GPR89B: variants seen among roughly 807,000 people sequenced by gnomAD.
GPR89B encodes golgi pH regulator B, also known as G protein-coupled receptor 89B.
A neutral mutation model predicts 52.4 loss-of-function variants in GPR89B; 25 were observed. The observed-to-expected ratio is 0.48, with a 90% CI of 0.35 to 0.67. The LOEUF (loss-of-function observed/expected upper bound fraction) is 0.67, where lower values mean the gene tolerates loss of function less well. GPR89B is among the 30% of genes least tolerant of loss of function. The pLI, the probability that GPR89B is intolerant of heterozygous loss-of-function variation, is 0.01. For missense variants in GPR89B, 146 were observed against 450.2 expected (o/e 0.32, Z 6.11); for synonymous variants, 52 against 151.2 (o/e 0.34, Z 4.81).
downstream of GPR89B, among the ~76,000 whole-genome samples, chr1:147,998,185 C>T (rs1318992681): frequency 1.4e-5 from 2 of 145,564 alleles, no homozygotes; most frequent in African/African-American, 5.1e-5. Flanking sequence ...CACACGTGTC[C>T]GGAACATTTG....
At chr1:148,014,646 T>G in the GPR89B span, 1 of 151,982 alleles carries the variant, frequency 6.6e-6, no homozygotes, top group Non-Finnish European at 1.5e-5. Context: ...CCTTCTCCTC[T>G]GCTCTCCCCT....
At chr1:148,000,740 G>C in the GPR89B span, among the ~76,000 whole-genome samples, 1 of 137,176 alleles carries the variant, frequency 7.3e-6, no homozygotes, top group Non-Finnish European at 1.5e-5. Flanking sequence ...CCAGGTATCT[G>C]TTAAACTAGA....
intron 5 of GPR89B, among the ~76,000 whole-genome samples, chr1:147,950,991 TA>T (rs1220086337): frequency 1.3e-5 from 2 of 151,938 alleles, no homozygotes; most frequent in Non-Finnish European, 2.9e-5. Flanking sequence ...GGGAGAGCGA[TA>T]AAATAATTTT....
At chr1:147,982,937 T>G (rs1233692589) in intron 10 of GPR89B, among the ~76,000 whole-genome samples, 17 of 152,106 alleles carry the variant, frequency 1.1e-4, no homozygotes, top group South Asian at 4.1e-4. Flanking sequence ...TCATGATTTG[T>G]CTCTCTGTTT....
chr1:148,009,944 C>T, the GPR89B span, among the ~76,000 whole-genome samples: 1 of 151,770 alleles, frequency 6.6e-6, no homozygotes, highest in Non-Finnish European at 1.5e-5. Context: ...GAGATTCGGA[C>T]ATGAGATGCA....
At chr1:147,982,805 A>G (rs1429012802) in intron 10 of GPR89B, among the ~76,000 whole-genome samples, 4 of 151,108 alleles carry the variant, frequency 2.6e-5, no homozygotes, top group Non-Finnish European at 4.4e-5. Context: ...ATTTGTTTGT[A>G]TCCTCTTTTA....
intron 1 of GPR89B, among the ~76,000 whole-genome samples, chr1:147,932,170 C>T (rs1167768696): frequency 6.6e-6 from 1 of 151,954 alleles, no homozygotes; most frequent in Non-Finnish European, 1.5e-5. Flanking sequence ...CTTCATAAGT[C>T]ATATAAATAT....
At chr1:148,013,326 G>A in the GPR89B span, among the ~76,000 whole-genome samples, 1 of 152,130 alleles carries the variant, frequency 6.6e-6, no homozygotes, top group African/African-American at 2.4e-5. Context: ...GCGACCGCAG[G>A]CCTCCGGCCG....
At position 147,982,580 on chromosome 1, in the gene GPR89B, G is replaced by A. The variant is rs1283105944; in HGVS notation, c.910-3619G>A. Among the ~76,000 whole-genome samples the A allele has an allele frequency of 9.1e-5, 12 of 131,598 alleles. No individual in the cohort carries two copies. The East Asian group carries it at 1.0e-3, about 11-fold the overall frequency. 86.3% of individuals were successfully genotyped at this position (131,598 alleles called of 152,430 possible). A position where few individuals can be genotyped will look rare whatever the true frequency, so the allele number is the denominator to read the frequency against. On this transcript the variant is annotated intron_variant, in intron 10 of 13. Transcript: ENST00000314163. Reference sequence around the variant, plus strand: ...GTAGTATAGTTTGAAGTCAGGTAGCGTGATGCCTCCAGCTTTGCTCTTTTG... The same window carrying A: ...GTAGTATAGTTTGAAGTCAGGTAGCATGATGCCTCCAGCTTTGCTCTTTTG...
chr1:147,978,821 G>A lies in GPR89B; in HGVS notation c.910-7378G>A, dbSNP rs1426645549. Among the ~76,000 whole-genome samples, 15 of 151,588 alleles carry A rather than the reference G, an allele frequency of 9.9e-5. 2 individuals carry two copies. The highest frequency in any genetic ancestry group is 2.4e-4 in the African/African-American group (10 of 40,956). On this transcript the variant is annotated intron_variant, in intron 10 of 13. Coordinates refer to ENST00000314163, the MANE Select transcript of GPR89B (RefSeq NM_016334.5). ...CTGGTCCAAACCACCTATTCTCCCC[G>A]GCACTGGCAGGGGAAAAGGGCAGAC...
chr1:148,002,919 C>T, the GPR89B span, among the ~76,000 whole-genome samples: 6 of 152,128 alleles, frequency 3.9e-5, no homozygotes, highest in African/African-American at 1.4e-4. Context: ...AGTGCCACCC[C>T]TACTATGAGG....
intron 5 of GPR89B, among the ~76,000 whole-genome samples, chr1:147,948,130 A>C (rs1308478491): frequency 1.3e-5 from 2 of 151,134 alleles, no homozygotes; most frequent in African/African-American, 4.8e-5. Context: ...GGTTGCTGTG[A>C]TAGAGAAAAA....
the GPR89B span, among the ~76,000 whole-genome samples, chr1:148,017,459 G>A: frequency 6.6e-6 from 1 of 151,172 alleles, no homozygotes; most frequent in Non-Finnish European, 1.5e-5. Flanking sequence ...TTTAGGCCAG[G>A]CGCGGTGGTT....
At chr1:147,989,796 G>GT (rs1462473367) in intron 12 of GPR89B, among the ~76,000 whole-genome samples, 11 of 152,152 alleles carry the variant, frequency 7.2e-5, no homozygotes, top group African/African-American at 2.7e-4. Context: ...ATTCCATGGT[G>GT]TATATGTGCC....
At chr1:148,008,899 G>C in the GPR89B span, among the ~76,000 whole-genome samples, 1 of 152,042 alleles carries the variant, frequency 6.6e-6, no homozygotes, top group Non-Finnish European at 1.5e-5. Context: ...TTGAATAAGT[G>C]AATGACTATC....
In GPR89B at chr1:147,946,349, G is replaced by C. The variant is rs587763520; in HGVS notation, c.415+2251G>C. Among the ~76,000 whole-genome samples the C allele has an allele frequency of 1.1e-4, 16 of 152,126 alleles. No individual in the cohort carries two copies. The South Asian group carries it at 2.5e-3, about 24-fold the overall frequency. On this transcript the variant is annotated intron_variant, in intron 5 of 13. Transcript: ENST00000314163. The stretch of plus-strand genomic sequence containing the variant: ...AACAAGTGTTTAATACGTGTTCTTT[G>C]AATCAGTGGATGGAAGAAAATTGAG...
intron 10 of GPR89B, among the ~76,000 whole-genome samples, chr1:147,970,491 A>ATCTCTCTCTCTCTCTCCC (rs1558058762): frequency 2.8e-5 from 3 of 105,806 alleles, no homozygotes; most frequent in African/African-American, 6.9e-5. Flanking sequence ...GTGAGACTCC[A>ATCTCTCTCTCTCTCTCCC]TCTCTCTCTC....
chr1:147,950,071 G>A (rs1655492951), intron 5 of GPR89B, among the ~76,000 whole-genome samples: 1 of 148,024 alleles, frequency 6.8e-6, no homozygotes, highest in Non-Finnish European at 1.5e-5. Context: ...CGTGCGGGGG[G>A]CTGATCCCCC....
chr1:147,955,233 A>T (rs1380113840), intron 7 of GPR89B, among the ~76,000 whole-genome samples: 2 of 151,998 alleles, frequency 1.3e-5, no homozygotes, highest in East Asian at 1.9e-4. Context: ...CAAATGAAAG[A>T]ATTTCCTTCC....
Sources: allele counts gnomAD v4.1 joint callset (sites outside exome capture counted in the v4.1 genomes callset), GRCh38; gene constraint gnomAD v4.1.1; transcripts MANE v1.5; gene names NCBI Gene and HGNC (gene_info 2026-07-23, HGNC 2026-07-21).